Variants in RUNX1 observed in about 807,000 individuals in gnomAD.
The protein encoded by RUNX1 is runt-related transcription factor 1.
RUNX1 carries 19 observed loss-of-function variants against 42.8 expected under a neutral mutation model. The ratio of observed to expected loss-of-function variants is 0.44; its 90% CI spans 0.31 to 0.65. The LOEUF is 0.65. RUNX1 is among the 30% of genes least tolerant of loss of function. The pLI is 0.07. For missense variants in RUNX1, 528 were observed against 672.0 expected (o/e 0.79, Z 2.37); for synonymous variants, 271 against 289.4 (o/e 0.94, Z 0.64).
Position 34,907,894 on chromosome 21 carries a change from T to G in RUNX1, c.59-14931A>C, listed in dbSNP as rs149699544. On this transcript the variant is annotated intron_variant, in intron 2 of 8. Transcript: ENST00000675419. The surrounding 1 kb of genome is among the most constrained non-coding windows in gnomAD (Gnocchi z 5.3). Reference sequence around the variant, plus strand: ...GAGGTGAAAAGATTCTTAGCAAACATTTTGTCCAATCCATTTAGTTTATAG... The same window carrying G: ...GAGGTGAAAAGATTCTTAGCAAACAGTTTGTCCAATCCATTTAGTTTATAG... 5.6e-4 allele frequency among the ~76,000 whole-genome samples: 86 copies of G among 152,270 alleles called. No homozygotes were observed. Among genetic ancestry groups the G allele is most frequent in the African/African-American group, 2.0e-3 (84 of 41,532 alleles).
At chr21:34,886,059 G>T (rs896331510) in intron 4 of RUNX1, among the ~76,000 whole-genome samples, 4 of 152,232 alleles carry the variant, frequency 2.6e-5, no homozygotes, top group African/African-American at 4.8e-5. Flanking sequence ...CCGCCGCGCT[G>T]AAGTCTCCGG....
At chr21:34,956,231 A>C (rs751762587) in intron 2 of RUNX1, among the ~76,000 whole-genome samples, 1 of 152,146 alleles carries the variant, frequency 6.6e-6, no homozygotes, top group Non-Finnish European at 1.5e-5. Context: ...GCCCAGCTTT[A>C]ACTGTGTGAA....
At chr21:34,865,291 T>C (rs1198788576) in intron 5 of RUNX1, among the ~76,000 whole-genome samples, 5 of 139,058 alleles carry the variant, frequency 3.6e-5, no homozygotes, top group African/African-American at 1.6e-4. Context: ...TGTGTGTGTG[T>C]GTGTGTGTGT....
intron 2 of RUNX1, among the ~76,000 whole-genome samples, chr21:35,024,627 C>T (rs1027871410): frequency 6.6e-6 from 1 of 152,186 alleles, no homozygotes; most frequent in Non-Finnish European, 1.5e-5. Flanking sequence ...AGTTAGGTTC[C>T]TGCCCTGAAA....
rs141801397 is a variant in RUNX1, at chr21:34,865,339, G to A, written c.509-5761C>T. ...GTGTGTGTGTGTTCAGCAGGTGATG[G>A]GGCTGCTACCAGGCCTAAACGCAAC... On this transcript the variant is annotated intron_variant, in intron 5 of 8. Coordinates refer to ENST00000675419, the MANE Select transcript of RUNX1 (RefSeq NM_001754.5). Among the ~76,000 whole-genome samples, 1,208 of 149,758 alleles carry A rather than the reference G, an allele frequency of 8.1e-3. 8 individuals are homozygous for A. The highest frequency in any genetic ancestry group is 0.012 in the Admixed American group (185 of 14,980).
At chr21:34,847,933 T>TC (rs1427999957) in intron 6 of RUNX1, among the ~76,000 whole-genome samples, 4 of 151,926 alleles carry the variant, frequency 2.6e-5, no homozygotes, top group African/African-American at 9.7e-5. Context: ...TTTTTCTTCT[T>TC]TTTTTTTAAG....
chr21:35,049,031 C>T (rs972861082), intron 1 of RUNX1, 73 bp from the exon 2 acceptor site: 1 of 796,904 alleles, frequency 1.3e-6, no homozygotes, highest in African/African-American at 1.7e-5. Context: ...CTTTCTTCTC[C>T]CCTCTGCTGG....
intron 2 of RUNX1, among the ~76,000 whole-genome samples, chr21:34,904,446 T>C (rs1397408603): frequency 6.6e-6 from 1 of 152,116 alleles, no homozygotes; most frequent in African/African-American, 2.4e-5. Context: ...ACTTGAAAAA[T>C]GTTATCACAT....
rs576928031 is a variant in RUNX1 at position 34,869,740 on chromosome 21, G to T, written c.509-10162C>A. ...AAGTAGTCCAAGGCGAGCTGCCGTG[G>T]CACTGCTACAAAACCCCTTCAACTT... On this transcript the variant is annotated intron_variant, in intron 5 of 8. Transcript: ENST00000675419. 4.2e-4 allele frequency among the ~76,000 whole-genome samples: 64 copies of T among 152,268 alleles called. 1 individual carries two copies. Among genetic ancestry groups the T allele is most frequent in the African/African-American group, 1.5e-3 (63 of 41,556 alleles).
chr21:34,830,678 T>G (rs2057051016), intron 7 of RUNX1, among the ~76,000 whole-genome samples: 1 of 152,212 alleles, frequency 6.6e-6, no homozygotes, highest in Non-Finnish European at 1.5e-5. Context: ...CTTACAATCT[T>G]TGAGATACTG....
chr21:34,788,381 C>T lies in RUNX1; in HGVS notation c.*3754G>A, dbSNP rs1013595644. 6 of 232,948 alleles carry T rather than the reference C, an allele frequency of 2.6e-5. No homozygotes were observed. Among genetic ancestry groups the T allele is most frequent in the Non-Finnish European group, 2.5e-5 (3 of 117,860 alleles). 14.4% of individuals were successfully genotyped at this position (232,948 alleles called of 1,614,324 possible). A position where few individuals can be genotyped will look rare whatever the true frequency, so the allele number is the denominator to read the frequency against. ...TTTTTCTTTTTTTGCACATTCATTT[C>T]CCCTAGAACAAAAAAAGTGAACTTA... On this transcript the variant is annotated 3_prime_UTR_variant, in exon 9 of 9. Transcript: ENST00000675419.
intron 2 of RUNX1, among the ~76,000 whole-genome samples, chr21:34,911,351 C>G (rs1343975420): frequency 6.6e-6 from 1 of 152,212 alleles, no homozygotes; most frequent in Non-Finnish European, 1.5e-5. Flanking sequence ...TATTACCAGA[C>G]ATCTCATAGA....
At chr21:34,816,489 C>A (rs991591646) in intron 7 of RUNX1, among the ~76,000 whole-genome samples, 1 of 152,092 alleles carries the variant, frequency 6.6e-6, no homozygotes, top group Non-Finnish European at 1.5e-5. Context: ...ATAGCCATGA[C>A]AGTTGGTGAA....
intron 2 of RUNX1, among the ~76,000 whole-genome samples, chr21:35,047,678 G>T (rs539923342): frequency 4.0e-5 from 6 of 151,464 alleles, no homozygotes; most frequent in African/African-American, 1.5e-4. Flanking sequence ...TAAAGTGGCC[G>T]GCAAGCCCTC....
At chr21:34,826,541 G>C (rs371166828) in intron 7 of RUNX1, among the ~76,000 whole-genome samples, 1 of 143,428 alleles carries the variant, frequency 7.0e-6, no homozygotes, top group East Asian at 2.2e-4. Flanking sequence ...CGGCTCAAGC[G>C]ATTCTCCTGC....
intron 2 of RUNX1, among the ~76,000 whole-genome samples, chr21:35,046,317 TC>T (rs1315521709): frequency 6.6e-6 from 1 of 152,076 alleles, no homozygotes. Context: ...CTCCTCTCTT[TC>T]CCCCCAATTT....
chr21:34,978,035 T>C (rs1258599294), intron 2 of RUNX1, among the ~76,000 whole-genome samples: 1 of 152,092 alleles, frequency 6.6e-6, no homozygotes, highest in Non-Finnish European at 1.5e-5. Context: ...ATTCTCCTGC[T>C]TCAGCCATTC....
At chr21:34,831,991 CAAGTG>C (rs1248591922) in intron 7 of RUNX1, among the ~76,000 whole-genome samples, 3 of 152,100 alleles carry the variant, frequency 2.0e-5, no homozygotes, top group Admixed American at 6.5e-5. Context: ...TAAAATTTTA[CAAGTG>C]AAGTACTGAA....
At chr21:34,838,087 C>T (rs1322460558) in intron 6 of RUNX1, among the ~76,000 whole-genome samples, 1 of 152,108 alleles carries the variant, frequency 6.6e-6, no homozygotes, top group African/African-American at 2.4e-5. Context: ...TTAGGCCATC[C>T]TTAAATGTTA....
Sources: allele counts gnomAD v4.1 joint callset (sites outside exome capture counted in the v4.1 genomes callset), GRCh38; gene constraint gnomAD v4.1.1; non-coding constraint Gnocchi (gnomAD v3.1); transcripts MANE v1.5; gene names NCBI Gene and HGNC (gene_info 2026-07-23, HGNC 2026-07-21).